Variants in GATAD1 observed in about 807,000 individuals in gnomAD.
GATAD1 encodes GATA zinc finger domain containing 1.
A neutral mutation model predicts 26.5 loss-of-function variants in GATAD1; 12 were observed. That is an observed-to-expected ratio of 0.45 (90% CI 0.29 to 0.73). The LOEUF (loss-of-function observed/expected upper bound fraction) is 0.73, where lower values mean the gene tolerates loss of function less well. GATAD1 is among the 30% of genes least tolerant of loss of function. The pLI is 0.10. For synonymous variants in GATAD1, 129 were observed against 133.1 expected (o/e 0.97, Z 0.21); for missense variants, 266 against 342.1 (o/e 0.78, Z 1.75).
At chr7:92,491,486 G>A in the GATAD1 span, 15 of 1,608,506 alleles carry the variant, frequency 9.3e-6, no homozygotes, top group East Asian at 4.5e-5. Context: ...GTCACTATCA[G>A]AGCTGGAACT....
At chr7:92,456,262 C>A in intron 4 of GATAD1, 110 bp from the exon 5 acceptor site, 1 of 586,768 alleles carries the variant, frequency 1.7e-6, no homozygotes, top group Non-Finnish European at 3.0e-6. Context: ...AGGGCTAATG[C>A]CAGGTTGCTC....
chr7:92,473,782 G>A, the GATAD1 span, among the ~76,000 whole-genome samples: 1 of 151,848 alleles, frequency 6.6e-6, no homozygotes, highest in African/African-American at 2.4e-5. Context: ...TAAGAAGACC[G>A]CACCAGTGTC....
At chr7:92,491,502 C>T in the GATAD1 span, 1 of 1,581,752 alleles carries the variant, frequency 6.3e-7, no homozygotes, top group Non-Finnish European at 8.7e-7. Flanking sequence ...GAACTTCCAT[C>T]CTAAAATACA....
chr7:92,494,568 G>A, the GATAD1 span: 3 of 1,613,674 alleles, frequency 1.9e-6, no homozygotes, highest in Non-Finnish European at 2.5e-6. Context: ...TCATGACCCC[G>A]CCGAGGAGCA....
chr7:92,464,617 T>C (rs2115920053), downstream of GATAD1, among the ~76,000 whole-genome samples: 1 of 152,344 alleles, frequency 6.6e-6, no homozygotes, highest in South Asian at 2.1e-4. Flanking sequence ...TCTTGCATTA[T>C]GAAAGCCTAG....
the GATAD1 span, among the ~76,000 whole-genome samples, chr7:92,466,685 C>T: frequency 6.6e-6 from 1 of 152,154 alleles, no homozygotes; most frequent in Non-Finnish European, 1.5e-5. Flanking sequence ...GCAGGTACAG[C>T]CCATTACATG....
At chr7:92,475,547 C>T in the GATAD1 span, among the ~76,000 whole-genome samples, 1 of 152,080 alleles carries the variant, frequency 6.6e-6, no homozygotes, top group Non-Finnish European at 1.5e-5. Context: ...TACCAGCGTG[C>T]CCAACATTGC....
At chr7:92,491,251 A>G in the GATAD1 span, 2 of 1,449,284 alleles carry the variant, frequency 1.4e-6, no homozygotes, top group South Asian at 1.1e-5. Context: ...AGAACTGTAT[A>G]ATGATGACTG....
the GATAD1 span, chr7:92,477,383 A>G: frequency 6.6e-6 from 1 of 152,238 alleles, no homozygotes; most frequent in Admixed American, 6.5e-5. Context: ...ATTACTCACC[A>G]CTTTGGATGT....
At chr7:92,493,117 C>T in the GATAD1 span, 1 of 1,596,756 alleles carries the variant, frequency 6.3e-7, no homozygotes, top group South Asian at 1.1e-5. Flanking sequence ...TTTAAAATTT[C>T]AAGACGTGAC....
chr7:92,477,006 TGGTTGG>T, the GATAD1 span, among the ~76,000 whole-genome samples: 2 of 152,108 alleles, frequency 1.3e-5, no homozygotes, highest in African/African-American at 4.8e-5. Context: ...AAGAAAGTTG[TGGTTGG>T]GACCCAGGAG....
chr7:92,475,847 A>C, the GATAD1 span, among the ~76,000 whole-genome samples: 3 of 152,210 alleles, frequency 2.0e-5, no homozygotes, highest in Non-Finnish European at 4.4e-5. Flanking sequence ...ATGCAAATGC[A>C]TTACAGAGAG....
At chr7:92,467,776 G>A in the GATAD1 span, among the ~76,000 whole-genome samples, 1 of 152,212 alleles carries the variant, frequency 6.6e-6, no homozygotes, top group African/African-American at 2.4e-5. Context: ...TCTGGGGTGG[G>A]GATTGATTTG....
the GATAD1 span, chr7:92,491,219 C>T: frequency 7.9e-7 from 1 of 1,260,990 alleles, no homozygotes; most frequent in South Asian, 1.2e-5. Context: ...CAACTTTACA[C>T]CAACATATAG....
the GATAD1 span, among the ~76,000 whole-genome samples, chr7:92,492,385 G>T: frequency 6.6e-6 from 1 of 152,134 alleles, no homozygotes; most frequent in African/African-American, 2.4e-5. Context: ...CCATGATTTG[G>T]TCTCAAACTA....
In GATAD1 at chr7:92,447,816, C is replaced by G. The variant is rs976516793; in HGVS notation, c.87C>G (p.Leu29=). Residue 29 remains leucine (L), a synonymous_variant, in exon 1 of 5, where the codon CTC becomes CTG. Coordinates refer to ENST00000287957, the MANE Select transcript of GATAD1 (RefSeq NM_021167.5). ...AGAAGGGAGCGCAGGGGGAGATCCT[C>G]TGCCATCATTGCACTGGCCGGGGCG... is the stretch of plus-strand genomic sequence containing the variant. ...MWKKGAQGEI[L]CHHCTGRGGA... The G allele has an allele frequency of 4.7e-6, 7 of 1,486,304 alleles. No homozygotes were observed. The highest frequency in any genetic ancestry group is 6.3e-6 in the Non-Finnish European group (7 of 1,117,210). The allele number at this position is 1,486,304 out of a possible 1,614,324, so 92.1% of individuals were successfully genotyped here.
intron 3 of GATAD1, 137 bp downstream of exon 3, chr7:92,450,897 C>G: frequency 1.7e-6 from 1 of 573,596 alleles, no homozygotes; most frequent in Non-Finnish European, 3.1e-6. Context: ...CCCTTCTTAG[C>G]TGTTTTCCCC....
At chr7:92,492,973 G>A in the GATAD1 span, 1 of 1,613,662 alleles carries the variant, frequency 6.2e-7, no homozygotes, top group Non-Finnish European at 8.5e-7. Context: ...CTCGAGAGCA[G>A]CATTCCATGT....
chr7:92,464,531 T>G (rs780396148), downstream of GATAD1, among the ~76,000 whole-genome samples: 8 of 152,194 alleles, frequency 5.3e-5, no homozygotes, highest in Non-Finnish European at 1.2e-4. Flanking sequence ...CCTACCACAG[T>G]CAAGGCTCCC....
Sources: gnomAD v4.1 joint callset for allele counts (sites outside exome capture counted in the v4.1 genomes callset) on GRCh38, gnomAD v4.1.1 for gene constraint, MANE v1.5 for transcripts, NCBI Gene and HGNC (gene_info 2026-07-23, HGNC 2026-07-21) for gene names.